ARHGEF3: variants seen among roughly 807,000 people sequenced by gnomAD.
ARHGEF3 encodes 59.8 kDA protein.
ARHGEF3 carries 28 observed loss-of-function variants against 63.2 expected under a neutral mutation model. The observed-to-expected ratio is 0.44, with a 90% CI of 0.33 to 0.61. ARHGEF3 has a LOEUF of 0.61. Among genes scored for constraint, ARHGEF3 ranks in the 20% least tolerant of loss-of-function variants. The pLI, the probability that ARHGEF3 is intolerant of heterozygous loss-of-function variation, is 0.03. For missense variants in ARHGEF3, 533 were observed against 659.3 expected (o/e 0.81, Z 2.10); for synonymous variants, 266 against 254.2 (o/e 1.05, Z -0.44).
intron 4 of ARHGEF3, among the ~76,000 whole-genome samples, chr3:56,838,249 T>A (rs2039185698): frequency 1.3e-5 from 2 of 152,242 alleles, no homozygotes; most frequent in Admixed American, 1.3e-4. Context: ...TAATTAAAAA[T>A]TTTACATAGA....
intron 2 of ARHGEF3, among the ~76,000 whole-genome samples, chr3:56,767,368 G>A (rs1248132588): frequency 6.6e-6 from 1 of 151,696 alleles, no homozygotes; most frequent in African/African-American, 2.4e-5. Flanking sequence ...AGATCATGAG[G>A]TCAGGAGATT....
At chr3:56,858,809 G>A (rs2039970796) in intron 4 of ARHGEF3, among the ~76,000 whole-genome samples, 1 of 152,168 alleles carries the variant, frequency 6.6e-6, no homozygotes, top group African/African-American at 2.4e-5. Context: ...AGAGGGTGGA[G>A]GGAAATGAGG....
At position 56,801,877 on chromosome 3, in the gene ARHGEF3, C is replaced by T; in HGVS notation, c.-79G>A. On this transcript the variant is annotated 5_prime_UTR_variant, in exon 1 of 10. Transcript: ENST00000296315. ...AAAACTCCCAGGCAAAAGGGGGCCC[C>T]AGCTCCACGATGCCGGGCGGCGGCG... The T allele has an allele frequency of 6.5e-7, 1 of 1,550,346 alleles. No homozygotes were observed. The highest frequency in any genetic ancestry group is 8.7e-7 in the Non-Finnish European group (1 of 1,146,818).
chr3:56,961,307 C>T (rs978086319), intron 2 of ARHGEF3, among the ~76,000 whole-genome samples: 12 of 152,114 alleles, frequency 7.9e-5, no homozygotes, highest in African/African-American at 2.7e-4. Flanking sequence ...ATTGTCACTA[C>T]TGCATTTTAT....
chr3:57,058,427 T>C (rs1428350471), intron 1 of ARHGEF3, among the ~76,000 whole-genome samples: 1 of 152,228 alleles, frequency 6.6e-6, no homozygotes, highest in Admixed American at 6.5e-5. Flanking sequence ...TCATGTCACC[T>C]GCCCTTCAAG....
intron 1 of ARHGEF3, among the ~76,000 whole-genome samples, chr3:57,043,502 A>C (rs549515203): frequency 0.023 from 3,512 of 152,160 alleles, 143 homozygotes; most frequent in African/African-American, 0.079. Flanking sequence ...AAAAAAAAAA[A>C]AAAACCCTGA....
chr3:56,992,200 C>G (rs1373695876), intron 2 of ARHGEF3, among the ~76,000 whole-genome samples: 3 of 151,354 alleles, frequency 2.0e-5, no homozygotes, highest in Non-Finnish European at 4.4e-5. Flanking sequence ...CTAGTTCGCT[C>G]ATTAATGAGT....
intron 1 of ARHGEF3, among the ~76,000 whole-genome samples, chr3:56,786,680 A>G (rs2036835606): frequency 6.6e-6 from 1 of 152,188 alleles, no homozygotes; most frequent in Non-Finnish European, 1.5e-5. Context: ...AACCAGATGT[A>G]TCATTATCTA....
intron 4 of ARHGEF3, among the ~76,000 whole-genome samples, chr3:56,860,061 T>G (rs755848373): frequency 1.3e-5 from 2 of 151,820 alleles, no homozygotes; most frequent in Non-Finnish European, 2.9e-5. Context: ...GATAGATAGA[T>G]AGATAGATCG....
intron 8 of ARHGEF3, among the ~76,000 whole-genome samples, chr3:56,735,033 C>T (rs772286801): frequency 1.1e-4 from 17 of 152,172 alleles, no homozygotes; most frequent in Non-Finnish European, 1.6e-4. Context: ...CCTGTAATCC[C>T]AGCACTTTGG....
At chr3:56,775,769 G>T in intron 1 of ARHGEF3, 1 of 664,040 alleles carries the variant, frequency 1.5e-6, no homozygotes, top group Non-Finnish European at 1.9e-6. Context: ...CACCACTAGC[G>T]TACTGAATAC....
intron 2 of ARHGEF3, among the ~76,000 whole-genome samples, chr3:56,758,104 C>A (rs1291044883): frequency 6.6e-6 from 1 of 151,094 alleles, no homozygotes; most frequent in Admixed American, 6.6e-5. Flanking sequence ...ATGGTGAAAC[C>A]CTGTCTTTAT....
intron 3 of ARHGEF3, among the ~76,000 whole-genome samples, chr3:56,922,656 T>G (rs2042174135): frequency 6.6e-6 from 1 of 152,216 alleles, no homozygotes; most frequent in Non-Finnish European, 1.5e-5. Flanking sequence ...TTATTTTGAC[T>G]TCAGATAACT....
At chr3:56,880,186 A>C (rs2040720208) in intron 4 of ARHGEF3, among the ~76,000 whole-genome samples, 1 of 152,208 alleles carries the variant, frequency 6.6e-6, no homozygotes, top group Non-Finnish European at 1.5e-5. Flanking sequence ...GTAAATCAGA[A>C]ATGAGTCTGT....
intron 3 of ARHGEF3, among the ~76,000 whole-genome samples, chr3:56,882,809 G>A (rs560204480): frequency 1.3e-5 from 2 of 152,156 alleles, no homozygotes; most frequent in South Asian, 4.1e-4. Context: ...GAGCCACTGC[G>A]CCCAGCCTAT....
chr3:56,818,954 T>C (rs1480716777), intron 4 of ARHGEF3, among the ~76,000 whole-genome samples: 1 of 152,184 alleles, frequency 6.6e-6, no homozygotes, highest in African/African-American at 2.4e-5. Context: ...CAGAAGTCCT[T>C]TCTTCCCAGG....
chr3:56,865,103 A>C (rs1412001371), intron 4 of ARHGEF3, among the ~76,000 whole-genome samples: 1 of 152,082 alleles, frequency 6.6e-6, no homozygotes, highest in African/African-American at 2.4e-5. Flanking sequence ...AAGCTGGTTC[A>C]TTTCTCATTT....
chr3:56,756,258 C>A (rs929942946), intron 2 of ARHGEF3, among the ~76,000 whole-genome samples: 6 of 152,200 alleles, frequency 3.9e-5, no homozygotes, highest in African/African-American at 7.2e-5. Flanking sequence ...AATGAGGTTG[C>A]TGTGCTCCAA....
intron 4 of ARHGEF3, among the ~76,000 whole-genome samples, chr3:56,813,320 C>T (rs1229395102): frequency 1.3e-5 from 2 of 152,148 alleles, no homozygotes; most frequent in Non-Finnish European, 2.9e-5. Flanking sequence ...AGAATTTGAT[C>T]TGTATTTTCT....
Sources: allele counts gnomAD v4.1 joint callset (sites outside exome capture counted in the v4.1 genomes callset), GRCh38; gene constraint gnomAD v4.1.1; transcripts MANE v1.5; gene names NCBI Gene and HGNC (gene_info 2026-07-23, HGNC 2026-07-21).